TRPC3: variants seen among roughly 807,000 people sequenced by gnomAD.
TRPC3 encodes the protein transient receptor potential cation channel subfamily C member 3, also known as short transient receptor potential channel 3.
TRPC3 carries 54 observed loss-of-function variants against 90.9 expected under a neutral mutation model. That is an observed-to-expected ratio of 0.59 (90% confidence interval 0.48 to 0.75). TRPC3 has a LOEUF of 0.75. Among genes scored for constraint, TRPC3 ranks in the 30% least tolerant of loss-of-function variants. The pLI is 0.00. For missense variants in TRPC3, 918 were observed against 1,194.5 expected, an observed-to-expected ratio of 0.77 and a Z score of 3.41; for synonymous variants, 424 against 450.9, an observed-to-expected ratio of 0.94 and a Z score of 0.75.
intron 1 of TRPC3, among the ~76,000 whole-genome samples, chr4:121,943,383 C>T (rs1730384776): frequency 6.6e-6 from 1 of 152,152 alleles, no homozygotes. Flanking sequence ...TTCTTAGTTA[C>T]ACCACAAAAG....
rs778702047 is a variant in TRPC3 at position 121,932,342 on chromosome 4, C to A, written c.916G>T (p.Asp306Tyr). 6.2e-7 allele frequency: 1 copy of A among 1,614,136 alleles called. No individual in the cohort carries two copies. The highest frequency in any genetic ancestry group is 1.1e-5 in the South Asian group (1 of 91,068). ...AGCTCTAGGGCCGTAAGCACCGGGTCCTCGCTGGACAATGAGAGGTAAGCC... is the reference window on the plus strand; with the variant it reads ...AGCTCTAGGGCCGTAAGCACCGGGTACTCGCTGGACAATGAGAGGTAAGCC... ...SPAYLSLSSE[D>Y]PVLTALELSN... is the part of the protein sequence containing the mutation. Residue 306 changes from aspartate (D) to tyrosine (Y), a missense_variant, in exon 2 of 12, where the codon GAC (aspartate) becomes TAC (tyrosine). Around this residue, in one of 4 missense-constraint regions of TRPC3, gnomAD observed 609 missense variants for 725.9 expected, o/e 0.84. Transcript: ENST00000379645. This position sits in a 1 kb window ranked among gnomAD's most constrained non-coding sequence, Gnocchi z 7.7.
chr4:121,944,472 A>C (rs1220135184), intron 1 of TRPC3, among the ~76,000 whole-genome samples: 1 of 151,844 alleles, frequency 6.6e-6, no homozygotes, highest in Admixed American at 6.6e-5. Flanking sequence ...GGAAAAGCTC[A>C]ATGTTTAATA....
At chr4:121,909,097 T>C (rs191027606) in intron 6 of TRPC3, among the ~76,000 whole-genome samples, 184 of 152,256 alleles carry the variant, frequency 1.2e-3, no homozygotes, top group African/African-American at 4.2e-3. Flanking sequence ...AAATAGGTTA[T>C]GAAATGGTCA....
At chr4:121,899,879 C>G (rs1190135070) in intron 9 of TRPC3, among the ~76,000 whole-genome samples, 184 bp from the exon 10 acceptor site, 1 of 152,142 alleles carries the variant, frequency 6.6e-6, no homozygotes, top group Admixed American at 6.5e-5. Flanking sequence ...GAGCAATATG[C>G]TCACATTTAT....
intron 1 of TRPC3, among the ~76,000 whole-genome samples, chr4:121,936,811 T>G (rs1730144967): frequency 6.6e-6 from 1 of 152,128 alleles, no homozygotes; most frequent in Non-Finnish European, 1.5e-5. Context: ...AGACTTCCAG[T>G]CTCCAGAACT....
Position 121,907,342 on chromosome 4 carries a change from G to A in TRPC3, c.2018C>T (p.Ser673Phe). 2 of 1,612,786 alleles carry A rather than the reference G, an allele frequency of 1.2e-6. No individual in the cohort carries two copies. The highest frequency in any genetic ancestry group is 1.7e-6 in the Non-Finnish European group (2 of 1,179,304). Residue 673 changes from serine (S) to phenylalanine (F), a missense_variant, in exon 7 of 12, where the codon TCT (serine) becomes TTT (phenylalanine). Physicochemically the swap from Ser to Phe is radical, Grantham distance 155. Around this residue, in one of 4 missense-constraint regions of TRPC3, gnomAD observed 147 missense variants for 263.5 expected, o/e 0.56. Transcript: ENST00000379645. ...AFMIGMFILYSYYLGAKVNAA... is the reference protein window; with the variant it reads ...AFMIGMFILYFYYLGAKVNAA... ...ATTAACTTTAGCCCCAAGGTAGTAA[G>A]AATAAAGTATGAACATGCCAATCAT...
intron 3 of TRPC3, among the ~76,000 whole-genome samples, chr4:121,916,808 G>T (rs1729334286): frequency 6.6e-6 from 1 of 152,050 alleles, no homozygotes; most frequent in Admixed American, 6.5e-5. Context: ...CCACCTCCCG[G>T]GTTCAAGTGA....
chr4:121,932,150 T>G lies in TRPC3; in HGVS notation c.987+121A>C. On this transcript the variant is annotated intron_variant, in intron 2 of 11. Transcript: ENST00000379645. The surrounding 1 kb of genome is among the most constrained non-coding windows in gnomAD (Gnocchi z 7.7). ...AGGTCTGAATGACGTTCTCAGTCCC[T>G]CGTGATTTCACATTCACTGGGCAAA... 1 of 1,456,064 alleles carries G rather than the reference T, an allele frequency of 6.9e-7. No homozygotes were observed. The highest frequency in any genetic ancestry group is 9.2e-7 in the Non-Finnish European group (1 of 1,085,882). 90.2% of individuals were successfully genotyped at this position (1,456,064 alleles called of 1,614,324 possible).
chr4:121,908,904 T>C (rs1728985303), intron 6 of TRPC3, among the ~76,000 whole-genome samples: 1 of 152,126 alleles, frequency 6.6e-6, no homozygotes, highest in African/African-American at 2.4e-5. Flanking sequence ...GACTATTTAA[T>C]ATGTGTCAGA....
Position 121,904,484 on chromosome 4 carries a change from T to G in TRPC3, c.2091A>C (p.Ser697=). 6.4e-7 allele frequency: 1 copy of G among 1,574,714 alleles called. No homozygotes were observed. The highest frequency in any genetic ancestry group is 2.3e-5 in the East Asian group (1 of 44,118). The change falls in exon 8 of 12, where the codon TCA becomes TCC. Residue 697 remains serine, a synonymous_variant. Coordinates refer to ENST00000379645, the MANE Select transcript of TRPC3 (RefSeq NM_001130698.2). ...VEESFKTLFW[S]IFGLSEVTSV... ...AAGTCACTTCAGACAACCCAAATAT[T>G]GACCAAAATAAAGTCTTGAAACTTT...
chr4:121,885,019 A>G (rs1290789766), intron 10 of TRPC3, among the ~76,000 whole-genome samples: 1 of 152,192 alleles, frequency 6.6e-6, no homozygotes, highest in Non-Finnish European at 1.5e-5. Context: ...GTATCAGTTG[A>G]AAGCAGCTTG....
At chr4:121,880,025 G>A in intron 11 of TRPC3, 147 bp from the exon 12 acceptor site, 1 of 654,794 alleles carries the variant, frequency 1.5e-6, no homozygotes, top group Non-Finnish European at 2.4e-6. Flanking sequence ...AAATATTTAA[G>A]AAACATCTGT....
chr4:121,946,828 T>C (rs1730506783), intron 1 of TRPC3, among the ~76,000 whole-genome samples: 1 of 152,162 alleles, frequency 6.6e-6, no homozygotes, highest in Admixed American at 6.5e-5. Context: ...TGATGACTCA[T>C]TGTACACAGT....
chr4:121,901,223 C>T (rs911615794), intron 9 of TRPC3, among the ~76,000 whole-genome samples: 5 of 152,146 alleles, frequency 3.3e-5, no homozygotes, highest in Non-Finnish European at 7.4e-5. Context: ...AATAAATCCC[C>T]AGAAAAACAA....
chr4:121,883,807 C>T (rs769367998), intron 10 of TRPC3, among the ~76,000 whole-genome samples: 1 of 152,136 alleles, frequency 6.6e-6, no homozygotes, highest in Non-Finnish European at 1.5e-5. Flanking sequence ...CTGGGCTCAA[C>T]GCTGTCCTCC....
Position 121,876,102 on chromosome 4 carries a change from G to A in TRPC3, c.*3634C>T, listed in dbSNP as rs1727754836. Reference sequence around the variant, plus strand: ...TTTTTTGTAGAGACAGTTTCACCATGTTGCCCTGCTGGTCTCGAACTCCTG... The same window carrying A: ...TTTTTTGTAGAGACAGTTTCACCATATTGCCCTGCTGGTCTCGAACTCCTG... On this transcript the variant is annotated 3_prime_UTR_variant, in exon 12 of 12. Coordinates refer to ENST00000379645, the MANE Select transcript of TRPC3 (RefSeq NM_001130698.2). Among the ~76,000 whole-genome samples, 1 of 151,532 alleles carries A rather than the reference G, an allele frequency of 6.6e-6. No individual in the cohort carries two copies. Among genetic ancestry groups the A allele is most frequent in the South Asian group, 2.1e-4 (1 of 4,774 alleles).
intron 3 of TRPC3, among the ~76,000 whole-genome samples, chr4:121,919,447 C>A (rs1729427121): frequency 6.6e-6 from 1 of 152,158 alleles, no homozygotes; most frequent in South Asian, 2.1e-4. Flanking sequence ...GAAATATAAA[C>A]CTAAAACTTA....
chr4:121,913,704 C>T (rs563308413), intron 4 of TRPC3, among the ~76,000 whole-genome samples: 3 of 152,132 alleles, frequency 2.0e-5, no homozygotes, highest in African/African-American at 4.8e-5. Context: ...TTAGTGTTTA[C>T]GTATTTGAAG....
rs57064484 is a variant in TRPC3, at chr4:121,925,995, T to C, written c.988-789A>G. On this transcript the variant is annotated intron_variant, in intron 2 of 11. Transcript: ENST00000379645. ...ATGGCAATTTTTCTAAAATGGCAAT[T>C]TGATGTAGAAGATCAACTATATGTG... Among the ~76,000 whole-genome samples the C allele has an allele frequency of 5.9e-5, 9 of 152,322 alleles. No individual in the cohort carries two copies. In the East Asian group the frequency reaches 1.3e-3, roughly 23 times the overall value.
Sources: gnomAD v4.1 joint callset for allele counts (sites outside exome capture counted in the v4.1 genomes callset) on GRCh38, gnomAD v4.1.1 for gene constraint, gnomAD v4.1.1 regional missense constraint, Gnocchi (gnomAD v3.1) non-coding constraint, MANE v1.5 for transcripts, NCBI Gene and HGNC (gene_info 2026-07-23, HGNC 2026-07-21) for gene names.